Variants in KIAA0825 observed in about 807,000 individuals in gnomAD.
KIAA0825 encodes the protein uncharacterized protein KIAA0825.
KIAA0825 carries 119 observed loss-of-function variants against 147.6 expected under a neutral mutation model. The observed-to-expected ratio is 0.81, with a 90% CI of 0.69 to 0.94. KIAA0825 has a LOEUF of 0.94. KIAA0825 is among the 40% of genes least tolerant of loss of function. The probability of loss-of-function intolerance (pLI) is 0.00; values close to 1 mark genes in which losing one functional copy is unlikely to be tolerated. For synonymous variants in KIAA0825, 470 were observed against 518.1 expected, an observed-to-expected ratio of 0.91 and a Z score of 1.26; for missense variants, 1,381 against 1,472.7, an observed-to-expected ratio of 0.94 and a Z score of 1.02.
At chr5:94,208,995 G>A (rs1772459225) in intron 20 of KIAA0825, among the ~76,000 whole-genome samples, 1 of 152,190 alleles carries the variant, frequency 6.6e-6, no homozygotes, top group Non-Finnish European at 1.5e-5. Flanking sequence ...ATATTGGTCT[G>A]TGCATTTACA....
chr5:94,452,906 A>G, intron 13 of KIAA0825, 53 bp downstream of exon 13: 1 of 980,386 alleles, frequency 1.0e-6, no homozygotes, highest in Non-Finnish European at 1.4e-6. Context: ...TTTCTATTAA[A>G]TTTTAAAAGG....
At chr5:94,572,713 C>T (rs568955099) in intron 2 of KIAA0825, among the ~76,000 whole-genome samples, 6 of 152,128 alleles carry the variant, frequency 3.9e-5, no homozygotes, top group African/African-American at 1.4e-4. Context: ...AACAAACTAT[C>T]CCATAAAATA....
chr5:94,163,724 A>T (rs1367446120), intron 20 of KIAA0825, among the ~76,000 whole-genome samples: 1 of 152,152 alleles, frequency 6.6e-6, no homozygotes, highest in African/African-American at 2.4e-5. Context: ...TTTTTAAGGG[A>T]TCAAAATACA....
At chr5:94,461,259 C>T (rs1249041161) in intron 12 of KIAA0825, among the ~76,000 whole-genome samples, 1 of 151,868 alleles carries the variant, frequency 6.6e-6, no homozygotes, top group African/African-American at 2.4e-5. Context: ...TATTGCTCAC[C>T]ATGACCAATC....
intron 20 of KIAA0825, among the ~76,000 whole-genome samples, chr5:94,328,857 G>A (rs532755435): frequency 2.6e-5 from 4 of 151,866 alleles, no homozygotes; most frequent in African/African-American, 9.6e-5. Flanking sequence ...ACAAATATAA[G>A]TCCTCCTGTT....
intron 9 of KIAA0825, among the ~76,000 whole-genome samples, chr5:94,470,780 G>A (rs900499448): frequency 6.6e-5 from 10 of 151,950 alleles, no homozygotes; most frequent in Admixed American, 6.6e-4. Flanking sequence ...GACTGCAAAG[G>A]CTGGATAAAG....
At chr5:94,510,901 T>C (rs974300611) in intron 5 of KIAA0825, among the ~76,000 whole-genome samples, 2 of 152,194 alleles carry the variant, frequency 1.3e-5, no homozygotes, top group African/African-American at 4.8e-5. Flanking sequence ...ATTTTAATAG[T>C]TCTAAGTGTA....
rs1257243338 is a variant in KIAA0825, at chr5:94,484,757, A to T, written c.1132+12T>A. ...TTATAGATTTACAAATTTAAACAAA[A>T]GAGGATATTACCTGAAGTATCCCTG... On this transcript the variant is annotated intron_variant, in intron 6 of 20. Transcript: ENST00000682413. 4.2e-6 allele frequency: 6 copies of T among 1,439,932 alleles called. No homozygotes were observed. The highest frequency in any genetic ancestry group is 4.6e-6 in the Non-Finnish European group (5 of 1,078,116). 89.2% of individuals were successfully genotyped at this position (1,439,932 alleles called of 1,614,324 possible). A position where few individuals can be genotyped will look rare whatever the true frequency, so the allele number is the denominator to read the frequency against.
At chr5:94,448,725 T>C (rs1031516896) in intron 13 of KIAA0825, among the ~76,000 whole-genome samples, 10 of 152,150 alleles carry the variant, frequency 6.6e-5, no homozygotes, top group African/African-American at 1.2e-4. Flanking sequence ...AAGTGAAGAA[T>C]AGAGTTTTGA....
chr5:94,424,998 G>A (rs2150751676), intron 14 of KIAA0825, among the ~76,000 whole-genome samples: 1 of 152,196 alleles, frequency 6.6e-6, no homozygotes, highest in African/African-American at 2.4e-5. Flanking sequence ...GGAGCAATGC[G>A]AAATCTCCCA....
At chr5:94,339,095 A>G (rs1782097933) in intron 20 of KIAA0825, among the ~76,000 whole-genome samples, 1 of 152,066 alleles carries the variant, frequency 6.6e-6, no homozygotes, top group Admixed American at 6.6e-5. Context: ...ACATACCAAA[A>G]TTGAACTTGT....
intron 20 of KIAA0825, among the ~76,000 whole-genome samples, chr5:94,295,111 T>C (rs560028770): frequency 6.6e-6 from 1 of 152,072 alleles, no homozygotes; most frequent in Non-Finnish European, 1.5e-5. Context: ...GGAGGCTTTG[T>C]TCATGCCTTT....
intron 2 of KIAA0825, among the ~76,000 whole-genome samples, chr5:94,540,028 C>T (rs1056979763): frequency 6.6e-6 from 1 of 152,234 alleles, no homozygotes; most frequent in East Asian, 1.9e-4. Context: ...CCTTTGTGAC[C>T]AACAAGTGGC....
Position 94,398,026 on chromosome 5 carries a change from G to A in KIAA0825, c.2888-1517C>T, listed in dbSNP as rs191622304. On this transcript the variant is annotated intron_variant, in intron 16 of 20. Coordinates refer to ENST00000682413, the MANE Select transcript of KIAA0825 (RefSeq NM_001145678.3). Reference sequence around the variant, plus strand: ...CCTCCTTCCTTCCCTCCTCCCTCCCGTTCTTCCTGTTAAATGTTCCTTCAT... The same window carrying A: ...CCTCCTTCCTTCCCTCCTCCCTCCCATTCTTCCTGTTAAATGTTCCTTCAT... Among the ~76,000 whole-genome samples, 35 of 126,260 alleles carry A rather than the reference G, an allele frequency of 2.8e-4. No homozygotes were observed. In the East Asian group the frequency reaches 5.6e-3, roughly 20 times the overall value. 82.8% of individuals were successfully genotyped at this position (126,260 alleles called of 152,430 possible).
chr5:94,204,823 C>A (rs1436812377), intron 20 of KIAA0825, among the ~76,000 whole-genome samples: 1 of 152,150 alleles, frequency 6.6e-6, no homozygotes, highest in Non-Finnish European at 1.5e-5. Flanking sequence ...GAATAACTTC[C>A]ATATCTGGTG....
chr5:94,231,690 C>T (rs539461145), intron 20 of KIAA0825, among the ~76,000 whole-genome samples: 6 of 152,090 alleles, frequency 3.9e-5, no homozygotes, highest in South Asian at 2.1e-4. Flanking sequence ...CTAATCATTA[C>T]GTATCTGGAT....
At chr5:94,592,907 T>C (rs753425465) in intron 1 of KIAA0825, 41 of 582,234 alleles carry the variant, frequency 7.0e-5, no homozygotes, top group Non-Finnish European at 1.2e-4. Flanking sequence ...AATAAGTGTA[T>C]AGATGAGGAG....
intron 5 of KIAA0825, among the ~76,000 whole-genome samples, chr5:94,487,392 G>C (rs1763183497): frequency 6.6e-6 from 1 of 152,148 alleles, no homozygotes; most frequent in African/African-American, 2.4e-5. Context: ...AATTTATGGG[G>C]AAAATAATTC....
At chr5:94,265,709 G>A (rs999021073) in intron 20 of KIAA0825, among the ~76,000 whole-genome samples, 7 of 152,160 alleles carry the variant, frequency 4.6e-5, no homozygotes, top group African/African-American at 1.7e-4. Context: ...GCTGAGGCAG[G>A]AGAATTGCTT....
Sources: gnomAD v4.1 joint callset for allele counts (sites outside exome capture counted in the v4.1 genomes callset) on GRCh38, gnomAD v4.1.1 for gene constraint, MANE v1.5 for transcripts, NCBI Gene and HGNC (gene_info 2026-07-23, HGNC 2026-07-21) for gene names.